The following SBF2 variants were observed in gnomAD, a reference collection of about 807,000 sequenced individuals.
The protein encoded by SBF2 is SET binding factor 2.
A neutral mutation model predicts 225.2 loss-of-function variants in SBF2; 112 were observed. The observed-to-expected ratio is 0.50, with a 90% CI of 0.43 to 0.58. The LOEUF (loss-of-function observed/expected upper bound fraction) is 0.58. SBF2 is among the 20% of genes least tolerant of loss of function. SBF2 has a pLI of 0.00. For missense variants in SBF2, 1,996 were observed against 2,206.2 expected (o/e 0.90, Z 1.91); for synonymous variants, 763 against 773.3 (o/e 0.99, Z 0.22).
intron 16 of SBF2, among the ~76,000 whole-genome samples, chr11:9,904,022 C>A (rs910008338): frequency 6.6e-6 from 1 of 152,136 alleles, no homozygotes; most frequent in Non-Finnish European, 1.5e-5. Context: ...AAAGTGATAA[C>A]TGCCCAACTA....
At position 9,789,474 on chromosome 11, in the gene SBF2, AAAT is replaced by A. The variant is rs1246985460; in HGVS notation, c.4699-135_4699-133del. 1.7e-4 allele frequency: 112 copies of A among 644,222 alleles called. 1 individual carries two copies. The South Asian group carries it at 2.0e-3, about 11-fold the overall frequency. The allele number at this position is 644,222 out of a possible 1,614,324, so 39.9% of individuals were successfully genotyped here. A position where few individuals can be genotyped will look rare whatever the true frequency, so the allele number is the denominator to read the frequency against. On this transcript the variant is annotated intron_variant, in intron 34 of 39. Transcript: ENST00000256190. ...AATGGAGTTCAAATACCATATTTCT[AAAT>A]ATTTAAAAATCATACATCAAGATAA... is the stretch of plus-strand genomic sequence containing the variant.
At chr11:9,892,502 G>A (rs1342272900) in intron 17 of SBF2, among the ~76,000 whole-genome samples, 1 of 151,918 alleles carries the variant, frequency 6.6e-6, no homozygotes, top group Non-Finnish European at 1.5e-5. Context: ...AGGTGGAAAA[G>A]GGAACTTTTA....
At chr11:10,069,477 A>C (rs10840359) in intron 2 of SBF2, among the ~76,000 whole-genome samples, 41,759 of 152,060 alleles carry the variant, frequency 0.27, 5,995 homozygotes, top group Admixed American at 0.36. Context: ...TGTACCTGCA[A>C]AGGACATGAA....
Position 9,892,166 on chromosome 11 carries a change from T to C in SBF2, c.1929+3777A>G, listed in dbSNP as rs560934392. Among the ~76,000 whole-genome samples, 564 of 152,306 alleles carry C rather than the reference T, an allele frequency of 3.7e-3. 3 individuals carry two copies. Among genetic ancestry groups the C allele is most frequent in the South Asian group, 5.0e-3 (24 of 4,826 alleles). ...CATAGTCTTGCTCTGTCACCCAGGCTGGAGTGCAGTGGCGTGATCTCGGCT... is the reference window on the plus strand; with the variant it reads ...CATAGTCTTGCTCTGTCACCCAGGCCGGAGTGCAGTGGCGTGATCTCGGCT... On this transcript the variant is annotated intron_variant, in intron 17 of 39. Coordinates refer to ENST00000256190, the MANE Select transcript of SBF2 (RefSeq NM_030962.4).
intron 32 of SBF2, among the ~76,000 whole-genome samples, chr11:9,804,553 C>T (rs1853683897): frequency 6.6e-6 from 1 of 152,190 alleles, no homozygotes; most frequent in South Asian, 2.1e-4. Context: ...TGATACAGAA[C>T]AGTTTCCTGA....
At chr11:10,015,074 C>A (rs773337476) in intron 6 of SBF2, among the ~76,000 whole-genome samples, 5 of 152,090 alleles carry the variant, frequency 3.3e-5, no homozygotes, top group Non-Finnish European at 7.4e-5. Context: ...GTCGAGGCTA[C>A]AGTGAGCTGA....
At position 9,812,712 on chromosome 11, in the gene SBF2, C is replaced by A. The variant is rs375742620; in HGVS notation, c.3979-4G>T. The A allele has an allele frequency of 5.0e-6, 8 of 1,613,728 alleles. No homozygotes were observed. The highest frequency in any genetic ancestry group is 6.8e-6 in the Non-Finnish European group (8 of 1,179,884). On this transcript the variant is annotated splice_polypyrimidine_tract_variant and splice_region_variant and intron_variant, in intron 29 of 39. Coordinates refer to ENST00000256190, the MANE Select transcript of SBF2 (RefSeq NM_030962.4). The stretch of plus-strand genomic sequence containing the variant: ...AAGCAAATTCTACCTTGAAGTTCTG[C>A]GGATGAAGATTCAGAGAATTAGGCA...
Position 10,140,291 on chromosome 11 carries a change from C to A in SBF2, c.141+53611G>T, listed in dbSNP as rs1399106147. On this transcript the variant is annotated intron_variant, in intron 2 of 39. Transcript: ENST00000256190. The stretch of plus-strand genomic sequence containing the variant: ...GGGGAATGGCTTCCAGGGGAACCAA[C>A]AATATGATTAGAGCACTGGAAGTTT... 3.9e-5 allele frequency among the ~76,000 whole-genome samples: 6 copies of A among 152,282 alleles called. No homozygotes were observed. The East Asian group carries it at 1.2e-3, about 29-fold the overall frequency.
At chr11:9,847,687 T>C (rs536010610) in intron 22 of SBF2, among the ~76,000 whole-genome samples, 3 of 152,248 alleles carry the variant, frequency 2.0e-5, no homozygotes, top group African/African-American at 7.2e-5. Flanking sequence ...CGCAAGACTT[T>C]TAGGAGTTTA....
chr11:10,092,339 G>A (rs951363472), intron 2 of SBF2, among the ~76,000 whole-genome samples: 1 of 151,954 alleles, frequency 6.6e-6, no homozygotes, highest in Non-Finnish European at 1.5e-5. Flanking sequence ...AATTTTTATT[G>A]TTATATTTAG....
chr11:9,976,051 A>C (rs58442208), intron 13 of SBF2, among the ~76,000 whole-genome samples: 2,077 of 141,618 alleles, frequency 0.015, 60 homozygotes, highest in African/African-American at 0.05. Context: ...TAAATCTCAT[A>C]TTCTTCTTCT....
At chr11:10,148,957 T>C (rs1307660809) in intron 2 of SBF2, among the ~76,000 whole-genome samples, 1 of 152,100 alleles carries the variant, frequency 6.6e-6, no homozygotes, top group Non-Finnish European at 1.5e-5. Context: ...CGTGGCCACA[T>C]ATGAAGTTGG....
intron 20 of SBF2, 28 bp downstream of exon 20, chr11:9,853,512 G>C (rs375974847): frequency 1.9e-6 from 3 of 1,602,276 alleles, no homozygotes; most frequent in African/African-American, 2.7e-5. Flanking sequence ...CCAATATTCT[G>C]ATTCTCTAAT....
intron 16 of SBF2, among the ~76,000 whole-genome samples, chr11:9,953,374 C>A (rs922714922): frequency 4.0e-5 from 6 of 151,720 alleles, no homozygotes; most frequent in Admixed American, 3.3e-4. Flanking sequence ...ACCTGGGAGG[C>A]AGAGGTTGCA....
At chr11:10,000,055 G>T (rs1054124950) in intron 8 of SBF2, among the ~76,000 whole-genome samples, 1 of 152,160 alleles carries the variant, frequency 6.6e-6, no homozygotes, top group Non-Finnish European at 1.5e-5. Flanking sequence ...TACAGTGCTT[G>T]AGAGTACACT....
intron 16 of SBF2, among the ~76,000 whole-genome samples, chr11:9,947,480 G>A (rs1865630323): frequency 6.6e-6 from 1 of 152,194 alleles, no homozygotes; most frequent in African/African-American, 2.4e-5. Context: ...GGTTAAATTA[G>A]ATGCTGATGG....
intron 16 of SBF2, among the ~76,000 whole-genome samples, chr11:9,919,590 G>A (rs970674458): frequency 6.6e-6 from 1 of 152,088 alleles, no homozygotes; most frequent in African/African-American, 2.4e-5. Flanking sequence ...AAACAGGATA[G>A]GGATTTTCAC....
At chr11:10,251,589 A>G (rs1960355453) in intron 1 of SBF2, among the ~76,000 whole-genome samples, 1 of 152,144 alleles carries the variant, frequency 6.6e-6, no homozygotes, top group Non-Finnish European at 1.5e-5. Flanking sequence ...TCCTTCTTTA[A>G]TCTATTTAAT....
chr11:9,851,795 G>C (rs978039411), intron 21 of SBF2, among the ~76,000 whole-genome samples: 2 of 152,136 alleles, frequency 1.3e-5, no homozygotes, highest in Non-Finnish European at 2.9e-5. Context: ...TTATGAGACT[G>C]GGTCTTGCTC....
Sources: gnomAD v4.1 joint callset for allele counts (sites outside exome capture counted in the v4.1 genomes callset) on GRCh38, gnomAD v4.1.1 for gene constraint, MANE v1.5 for transcripts, NCBI Gene and HGNC (gene_info 2026-07-23, HGNC 2026-07-21) for gene names.